The following ALDH4A1 variants were observed in gnomAD, a reference collection of about 807,000 sequenced individuals.
The protein encoded by ALDH4A1 is delta-1-pyrroline-5-carboxylate dehydrogenase, mitochondrial.
A neutral mutation model predicts 70.5 loss-of-function variants in ALDH4A1; 46 were observed. The ratio of observed to expected loss-of-function variants is 0.65; its 90% CI spans 0.51 to 0.83. ALDH4A1 has a LOEUF of 0.83. Among genes scored for constraint, ALDH4A1 ranks in the 40% least tolerant of loss-of-function variants. ALDH4A1 has a pLI of 0.00. For missense variants in ALDH4A1, 749 were observed against 766.5 expected, an observed-to-expected ratio of 0.98 and a Z score of 0.27; for synonymous variants, 323 against 324.3, an observed-to-expected ratio of 1.00 and a Z score of 0.04.
At chr1:18,901,180 G>A (rs896082412) in intron 1 of ALDH4A1, among the ~76,000 whole-genome samples, 3 of 152,180 alleles carry the variant, frequency 2.0e-5, no homozygotes, top group African/African-American at 4.8e-5. Context: ...ATCACACAGG[G>A]AGTATGGCAA....
intron 2 of ALDH4A1, 108 bp downstream of exon 2, chr1:18,889,904 G>A: frequency 1.0e-6 from 1 of 981,884 alleles, no homozygotes; most frequent in Non-Finnish European, 1.5e-6. Context: ...TGGGAGCAAG[G>A]GTAGAAGCGG....
chr1:18,885,443 C>CCCCCCCCCCCCCCCCCCCCCCCCCACCAA, intron 5 of ALDH4A1, 30 bp downstream of exon 5: 1 of 803,766 alleles, frequency 1.2e-6, no homozygotes, highest in Non-Finnish European at 2.0e-6. Flanking sequence ...CCCACCCCGC[C>CCCCCCCCCCCCCCCCCCCCCCCCCACCAA]CCACCCACCC....
intron 1 of ALDH4A1, among the ~76,000 whole-genome samples, chr1:18,892,863 G>A (rs1028108877): frequency 6.6e-6 from 1 of 152,076 alleles, no homozygotes; most frequent in African/African-American, 2.4e-5. Flanking sequence ...AAATCTGCAC[G>A]GCCCTCTTCC....
Position 18,890,009 on chromosome 1 carries a change from T to C in ALDH4A1, c.156+3A>G, listed in dbSNP as rs1935373154. 1 of 1,603,646 alleles carries C rather than the reference T, an allele frequency of 6.2e-7. No individual in the cohort carries two copies. The highest frequency in any genetic ancestry group is 2.2e-5 in the East Asian group (1 of 44,574). On this transcript the variant is annotated splice_donor_region_variant and intron_variant, in intron 2 of 14. Coordinates refer to ENST00000375341, the MANE Select transcript of ALDH4A1 (RefSeq NM_003748.4). Reference sequence around the variant, plus strand: ...TCTCGGGTGCCTCCCACCCTCCCATTACCTTTTGCAGGGCATCTCGCTCAG... The same window carrying C: ...TCTCGGGTGCCTCCCACCCTCCCATCACCTTTTGCAGGGCATCTCGCTCAG...
chr1:18,874,789 G>A (rs74056665), intron 13 of ALDH4A1, among the ~76,000 whole-genome samples: 16,509 of 152,258 alleles, frequency 0.11, 1,083 homozygotes, highest in Admixed American at 0.23. Context: ...CTGGGGAGGG[G>A]CTTGGCACGC....
chr1:18,886,392 A>G, intron 4 of ALDH4A1, 72 bp downstream of exon 4: 2 of 1,537,390 alleles, frequency 1.3e-6, no homozygotes, highest in Non-Finnish European at 1.8e-6. Flanking sequence ...CCCCCGCCAT[A>G]TCAGCAGCTG....
chr1:18,896,502 A>T (rs1046426379), intron 1 of ALDH4A1, among the ~76,000 whole-genome samples: 34 of 152,214 alleles, frequency 2.2e-4, no homozygotes, highest in African/African-American at 8.0e-4. Flanking sequence ...TCCAGCCATT[A>T]TCTGGAGCCT....
In ALDH4A1 at chr1:18,877,986, T is replaced by C. The variant is rs1021116595; in HGVS notation, c.941-374A>G. 5.9e-5 allele frequency among the ~76,000 whole-genome samples: 9 copies of C among 151,770 alleles called. No homozygotes were observed. The South Asian group carries it at 1.3e-3, about 21-fold the overall frequency. On this transcript the variant is annotated intron_variant, in intron 9 of 14. Coordinates refer to ENST00000375341, the MANE Select transcript of ALDH4A1 (RefSeq NM_003748.4). ...AAGTGGGCACAGCTTTTTGTGAGGT[T>C]CTCCTGAGCCCTCGTCCACGAGGGA...
chr1:18,875,307 C>T (rs1934625992), intron 13 of ALDH4A1, 75 bp downstream of exon 13: 33 of 1,609,454 alleles, frequency 2.1e-5, no homozygotes, highest in African/African-American at 2.7e-5. Context: ...CTGGGAACCA[C>T]GTCCAGGAGG....
rs1401401607 is a variant in ALDH4A1 at position 18,874,479 on chromosome 1, C to A, written c.1563G>T (p.Gly521=). The A allele has an allele frequency of 6.2e-7, 1 of 1,614,096 alleles. No individual in the cohort carries two copies. Among genetic ancestry groups the A allele is most frequent in the Admixed American group, 1.7e-5 (1 of 60,032 alleles). ...TGSIVGQQPF[G]GARASGTNDK... ...CCCACTCACCAGAGGCTCGGGCCCC[C>A]CCAAAGGGCTGCTGGCCCACTATCG... Residue 521 remains glycine (G), a synonymous_variant, in exon 14 of 15, where the codon GGG becomes GGT. Transcript: ENST00000375341.
rs1448536196 is a variant in ALDH4A1 at position 18,877,747 on chromosome 1, CAG to C, written c.941-137_941-136del. 5 of 1,083,718 alleles carry C rather than the reference CAG, an allele frequency of 4.6e-6. No individual in the cohort carries two copies. The African/African-American group carries it at 7.8e-5, about 17-fold the overall frequency. 67.1% of individuals were successfully genotyped at this position (1,083,718 alleles called of 1,614,324 possible). ...GAGCAGCCCAGAGCGGGCGGAGGCT[CAG>C]AGTGAGCGCTGGCCAACATCCCAGA... On this transcript the variant is annotated intron_variant, in intron 9 of 14. Transcript: ENST00000375341.
chr1:18,890,163 A>G, intron 1 of ALDH4A1, 58 bp from the exon 2 acceptor site: 1 of 1,427,888 alleles, frequency 7.0e-7, no homozygotes, highest in Non-Finnish European at 9.7e-7. Context: ...CCACCACCAG[A>G]CCCCAGCCCC....
chr1:18,888,063 C>T (rs984104494), intron 3 of ALDH4A1, among the ~76,000 whole-genome samples: 6 of 152,218 alleles, frequency 3.9e-5, no homozygotes, highest in African/African-American at 1.4e-4. Context: ...TGGAGCTTTC[C>T]TGTCTAAAAG....
At chr1:18,883,915 G>A (rs1935091356) in intron 5 of ALDH4A1, among the ~76,000 whole-genome samples, 2 of 152,118 alleles carry the variant, frequency 1.3e-5, no homozygotes, top group Non-Finnish European at 2.9e-5. Flanking sequence ...TGGTTAGTTT[G>A]GGCCAAAAAC....
At chr1:18,900,724 G>A (rs1479464988) in intron 1 of ALDH4A1, among the ~76,000 whole-genome samples, 2 of 152,212 alleles carry the variant, frequency 1.3e-5, no homozygotes, top group East Asian at 1.9e-4. Context: ...CAGGGAACCA[G>A]CTGCAAAATG....
At chr1:18,895,388 A>G (rs1279904931) in intron 1 of ALDH4A1, among the ~76,000 whole-genome samples, 1 of 151,874 alleles carries the variant, frequency 6.6e-6, no homozygotes, top group Admixed American at 6.6e-5. Flanking sequence ...CCTGCACTGG[A>G]AGTTGTCAGG....
chr1:18,874,381 T>TA, intron 14 of ALDH4A1, 82 bp downstream of exon 14: 1 of 1,305,888 alleles, frequency 7.7e-7, no homozygotes. Context: ...TCCTTCCTAT[T>TA]ACTCTGAAGC....
rs562344368 is a variant in ALDH4A1, at chr1:18,877,454, G to A, written c.1099C>T (p.Arg367Trp). The A allele has an allele frequency of 3.1e-6, 5 of 1,591,994 alleles. No individual in the cohort carries two copies. Among genetic ancestry groups the A allele is most frequent in the Admixed American group, 1.7e-5 (1 of 57,498 alleles). The change falls in exon 10 of 15, where the codon CGG becomes TGG. Residue 367 changes from arginine (R) to tryptophan (W), a missense_variant. Coordinates refer to ENST00000375341, the MANE Select transcript of ALDH4A1 (RefSeq NM_003748.4). ...PHSLWPQIKGRLLEEHSRIKV... is the reference protein window; with the variant it reads ...PHSLWPQIKGWLLEEHSRIKV... ...ATCCGACTGTGCTCCTCCAGCAGCCGCCCTTTGATCTGCGGCCACAGCGAG... is the reference window on the plus strand; with the variant it reads ...ATCCGACTGTGCTCCTCCAGCAGCCACCCTTTGATCTGCGGCCACAGCGAG...
rs978664828 is a variant in ALDH4A1 at position 18,885,138 on chromosome 1, G to A, written c.453+335C>T. 1.1e-5 allele frequency: 4 copies of A among 369,730 alleles called. No homozygotes were observed. In the East Asian group the frequency reaches 2.5e-4, roughly 23 times the overall value. 22.9% of individuals were successfully genotyped at this position (369,730 alleles called of 1,614,324 possible). A position where few individuals can be genotyped will look rare whatever the true frequency, so the allele number is the denominator to read the frequency against. ...GAGGTGTTGGAAAGACCACTCTGAG[G>A]GCGGCGAGGGGCTGACCAAGCTAGG... On this transcript the variant is annotated intron_variant, in intron 5 of 14. Coordinates refer to ENST00000375341, the MANE Select transcript of ALDH4A1 (RefSeq NM_003748.4).
Sources: gnomAD v4.1 joint callset for allele counts (sites outside exome capture counted in the v4.1 genomes callset) on GRCh38, gnomAD v4.1.1 for gene constraint, MANE v1.5 for transcripts, NCBI Gene and HGNC (gene_info 2026-07-23, HGNC 2026-07-21) for gene names.